MEGF6: variants seen among roughly 807,000 people sequenced by gnomAD.
MEGF6 encodes the protein multiple epidermal growth factor-like domains protein 6.
Under a neutral mutation model 207.1 loss-of-function variants are expected in MEGF6, and 184 were observed. The ratio of observed to expected loss-of-function variants is 0.89; its 90% confidence interval spans 0.79 to 1.00. The LOEUF is 1.00. Ranked by LOEUF, MEGF6 falls within the 50% of genes least tolerant of loss-of-function variation. The pLI, the probability that MEGF6 is intolerant of heterozygous loss-of-function variation, is 0.00. For synonymous variants in MEGF6, 1,038 were observed against 910.0 expected, an observed-to-expected ratio of 1.14 and a Z score of -2.53; for missense variants, 2,282 against 2,202.9, an observed-to-expected ratio of 1.04 and a Z score of -0.72.
Position 3,611,167 on chromosome 1 carries a change from C to T in MEGF6, c.102G>A (p.Pro34=). The T allele has an allele frequency of 6.5e-7, 1 of 1,538,342 alleles. No individual in the cohort carries two copies. ...CGGGCTGCAGCGGGAGCAGGGGCCG[C>T]GGCGGAACGCTGGCGCCCACGGGCA... ...PAVPVGASVP[P]RPLLPLQPGM... Residue 34 remains proline (P), a synonymous_variant, in exon 1 of 37, where the codon CCG becomes CCA. Transcript: ENST00000356575.
chr1:3,537,493 C>G lies in MEGF6; in HGVS notation c.482-13247G>C, dbSNP rs1045739615. On this transcript the variant is annotated intron_variant, in intron 4 of 36. Transcript: ENST00000356575. ...CCGCCCACAACTACCTGTGTGTGCT[C>G]TGTGTGCCAGGCCAGGGGTGCTCCT... Among the ~76,000 whole-genome samples, 11 of 152,360 alleles carry G rather than the reference C, an allele frequency of 7.2e-5. No individual in the cohort carries two copies. In the East Asian group the frequency reaches 1.9e-3, roughly 27 times the overall value.
chr1:3,528,725 G>C (rs1030745551), intron 4 of MEGF6, among the ~76,000 whole-genome samples: 5 of 152,212 alleles, frequency 3.3e-5, no homozygotes, highest in Non-Finnish European at 7.4e-5. Context: ...GAGGATGGAG[G>C]AGGGGCCACA....
intron 7 of MEGF6, among the ~76,000 whole-genome samples, chr1:3,513,055 C>A (rs1641410432): frequency 6.6e-6 from 1 of 152,170 alleles, no homozygotes; most frequent in East Asian, 1.9e-4. Context: ...AACAATGGCA[C>A]CTGCCTGCAA....
chr1:3,551,674 C>T (rs1440124247), intron 4 of MEGF6, among the ~76,000 whole-genome samples: 1 of 152,142 alleles, frequency 6.6e-6, no homozygotes, highest in Non-Finnish European at 1.5e-5. Context: ...ACCCCGCCAA[C>T]CCTCCCCACA....
chr1:3,545,709 G>A (rs1053568657), intron 4 of MEGF6, among the ~76,000 whole-genome samples: 3 of 152,208 alleles, frequency 2.0e-5, no homozygotes, highest in East Asian at 3.9e-4. Flanking sequence ...TGGAGCGGGG[G>A]TCCGGGAGCT....
the MEGF6 span, among the ~76,000 whole-genome samples, chr1:3,622,371 G>A: frequency 7.2e-5 from 11 of 152,064 alleles, no homozygotes; most frequent in African/African-American, 1.2e-4. Context: ...TTTGCCTTCC[G>A]CCATGATTGT....
intron 18 of MEGF6, among the ~76,000 whole-genome samples, 158 bp downstream of exon 18, chr1:3,501,637 AC>A (rs556575032): frequency 6.0e-5 from 9 of 150,932 alleles, no homozygotes; most frequent in East Asian, 2.0e-4. Flanking sequence ...GCAGCCACAG[AC>A]CCCCCCTCCC....
intron 4 of MEGF6, chr1:3,547,036 G>C (rs911991664): frequency 1.9e-5 from 3 of 159,566 alleles, no homozygotes; most frequent in South Asian, 1.5e-4. Context: ...CTGGTGGCTG[G>C]GGGGGGGCCA....
chr1:3,584,766 G>C (rs1643870062), intron 3 of MEGF6, among the ~76,000 whole-genome samples: 1 of 152,264 alleles, frequency 6.6e-6, no homozygotes, highest in African/African-American at 2.4e-5. Flanking sequence ...ATCTGAGACG[G>C]TAACCACAGA....
rs940296391 is a variant in MEGF6, at chr1:3,573,877, T to C, written c.481+5948A>G. Reference sequence around the variant, plus strand: ...AGTGGGGAGGGCCGCTTCCTCTCCATTAATCAATGGTCCCAGTTTAGAAAC... The same window carrying C: ...AGTGGGGAGGGCCGCTTCCTCTCCACTAATCAATGGTCCCAGTTTAGAAAC... On this transcript the variant is annotated intron_variant, in intron 4 of 36. Transcript: ENST00000356575. This position sits in a 1 kb window ranked among gnomAD's most constrained non-coding sequence, Gnocchi z 5.1. Among the ~76,000 whole-genome samples the C allele has an allele frequency of 6.6e-5, 10 of 152,080 alleles. No individual in the cohort carries two copies. The highest frequency in any genetic ancestry group is 1.2e-4 in the Non-Finnish European group (8 of 67,980).
chr1:3,533,902 G>A lies in MEGF6; in HGVS notation c.482-9656C>T, dbSNP rs1642249713. Among the ~76,000 whole-genome samples, 4 of 152,144 alleles carry A rather than the reference G, an allele frequency of 2.6e-5. No homozygotes were observed. In the South Asian group the frequency reaches 8.3e-4, roughly 32 times the overall value. On this transcript the variant is annotated intron_variant, in intron 4 of 36. Coordinates refer to ENST00000356575, the MANE Select transcript of MEGF6 (RefSeq NM_001409.4). ...TCCCAGCTCAGGCAGGCCCCACTCT[G>A]ACACCCTCCAGGCTCCGGGGTCTTG...
chr1:3,562,217 T>C (rs551480339), intron 4 of MEGF6, among the ~76,000 whole-genome samples: 15 of 152,358 alleles, frequency 9.8e-5, no homozygotes, highest in African/African-American at 3.4e-4. Context: ...TTTGTCTCTT[T>C]TCCTCCATCT....
chr1:3,556,154 C>A lies in MEGF6; in HGVS notation c.481+23671G>T, dbSNP rs912668628. 6.6e-6 allele frequency among the ~76,000 whole-genome samples: 1 copy of A among 152,230 alleles called. No homozygotes were observed. The highest frequency in any genetic ancestry group is 1.9e-4 in the East Asian group (1 of 5,184). On this transcript the variant is annotated intron_variant, in intron 4 of 36. Transcript: ENST00000356575. The surrounding 1 kb of genome is among the most constrained non-coding windows in gnomAD (Gnocchi z 4.4). ...TCCGTGGCCCAGGTGCTAAGTGAACCACGTCCCTGTTGCTGGGCCACCCTG... is the reference window on the plus strand; with the variant it reads ...TCCGTGGCCCAGGTGCTAAGTGAACAACGTCCCTGTTGCTGGGCCACCCTG...
Position 3,488,171 on chromosome 1 carries a change from T to C in MEGF6, c.*2357A>G, listed in dbSNP as rs1268801783. ...ATATGGTCAGGAGTTTGTTTTTCCG[T>C]CGTCATTTGTAACCGTTAACATTAG... On this transcript the variant is annotated 3_prime_UTR_variant, in exon 37 of 37. Transcript: ENST00000356575. 6.6e-6 allele frequency among the ~76,000 whole-genome samples: 1 copy of C among 152,214 alleles called. No homozygotes were observed. The highest frequency in any genetic ancestry group is 1.5e-5 in the Non-Finnish European group (1 of 68,038).
At chr1:3,554,192 G>T (rs904955307) in intron 4 of MEGF6, among the ~76,000 whole-genome samples, 1 of 152,186 alleles carries the variant, frequency 6.6e-6, no homozygotes, top group African/African-American at 2.4e-5. Flanking sequence ...CCTGCTGCAT[G>T]CCGTGGGCAG....
chr1:3,514,623 C>T lies in MEGF6; in HGVS notation c.780G>A (p.Gln260=). Residue 260 remains glutamine, a synonymous_variant, in exon 7 of 37, where the codon CAG becomes CAA. Transcript: ENST00000356575. The part of the protein sequence containing the change: ...NRNGSCMHRC[Q]VVRGLARCEC... ...CACAGCGGGCGAGGCCCCGGACCAC[C>T]TGGCACCTGTGCATGCAGCTGCCGT... The T allele has an allele frequency of 6.3e-7, 1 of 1,580,936 alleles. No homozygotes were observed. The highest frequency in any genetic ancestry group is 8.6e-7 in the Non-Finnish European group (1 of 1,165,746).
rs139464386 is a variant in MEGF6, at chr1:3,586,673, C to A, written c.377-6744G>T. 5.9e-5 allele frequency among the ~76,000 whole-genome samples: 9 copies of A among 152,248 alleles called. No homozygotes were observed. In the South Asian group the frequency reaches 1.2e-3, roughly 21 times the overall value. On this transcript the variant is annotated intron_variant, in intron 3 of 36. Coordinates refer to ENST00000356575, the MANE Select transcript of MEGF6 (RefSeq NM_001409.4). The stretch of plus-strand genomic sequence containing the variant: ...TGGGACTCGGGGCTGGCATGCGGCC[C>A]GAACGGAAAAGGAAAAGCAAATGGC...
intron 17 of MEGF6, among the ~76,000 whole-genome samples, chr1:3,503,949 CT>C (rs2100977713): frequency 6.6e-6 from 1 of 152,260 alleles, no homozygotes; most frequent in South Asian, 2.1e-4. Flanking sequence ...TGCTCCGGCC[CT>C]TAGTGGCTGA....
chr1:3,520,157 C>T (rs1279769539), intron 5 of MEGF6, among the ~76,000 whole-genome samples: 1 of 152,226 alleles, frequency 6.6e-6, no homozygotes, highest in Non-Finnish European at 1.5e-5. Context: ...ACATCTGTGG[C>T]CCTCAGACAG....
Sources: gnomAD v4.1 joint callset for allele counts (sites outside exome capture counted in the v4.1 genomes callset) on GRCh38, gnomAD v4.1.1 for gene constraint, Gnocchi (gnomAD v3.1) non-coding constraint, MANE v1.5 for transcripts, NCBI Gene and HGNC (gene_info 2026-07-23, HGNC 2026-07-21) for gene names.